HEATR6: variants seen among roughly 807,000 people sequenced by gnomAD.
HEATR6 encodes the protein HEAT repeat containing 6.
In HEATR6, 106 loss-of-function variants were observed where a neutral mutation model predicts 132.8. That is an observed-to-expected ratio of 0.80 (90% CI 0.68 to 0.94). HEATR6 has a LOEUF of 0.94. Among genes scored for constraint, HEATR6 ranks in the 40% least tolerant of loss-of-function variants. The probability of loss-of-function intolerance (pLI) is 0.00; values close to 1 mark genes in which losing one functional copy is unlikely to be tolerated. For missense variants in HEATR6, 1,339 were observed against 1,425.1 expected (o/e 0.94, Z 0.97); for synonymous variants, 529 against 537.8 (o/e 0.98, Z 0.23).
intron 5 of HEATR6, among the ~76,000 whole-genome samples, chr17:60,071,279 C>T (rs1482958912): frequency 6.6e-6 from 1 of 152,128 alleles, no homozygotes; most frequent in Non-Finnish European, 1.5e-5. Context: ...ACTCAGTAAT[C>T]TCATTTCTAG....
Position 60,069,814 on chromosome 17 carries a change from A to G in HEATR6, c.836T>C (p.Ile279Thr), listed in dbSNP as rs1568639617. ...TGGGTATAACACCGTGGGCATCTCT[A>G]TGTTTAGTCCAGGGAGTCCGTGAAA... The part of the protein sequence containing the change: ...FMFHGLPGLN[I>T]EMPTVLYPTP... Residue 279 changes from isoleucine (I) to threonine (T), a missense_variant, in exon 7 of 20, where the codon ATA (isoleucine) becomes ACA (threonine). Transcript: ENST00000184956. 3 of 1,614,108 alleles carry G rather than the reference A, an allele frequency of 1.9e-6. No individual in the cohort carries two copies. The highest frequency in any genetic ancestry group is 1.7e-6 in the Non-Finnish European group (2 of 1,180,010).
chr17:60,069,641 T>G, intron 7 of HEATR6, 70 bp downstream of exon 7: 2 of 1,455,510 alleles, frequency 1.4e-6, no homozygotes. Flanking sequence ...GTGATGCAAA[T>G]CATAGAAAAC....
rs554979521 is a variant in HEATR6 at position 60,058,079 on chromosome 17, T to C, written c.1724-676A>G. Reference sequence around the variant, plus strand: ...TCAGTTTTGTTCTTCTCTATCAATATTGTGTTGGCTATTCCAGGTCTTTTG... The same window carrying C: ...TCAGTTTTGTTCTTCTCTATCAATACTGTGTTGGCTATTCCAGGTCTTTTG... On this transcript the variant is annotated intron_variant, in intron 11 of 19. Transcript: ENST00000184956. Among the ~76,000 whole-genome samples, 6 of 152,358 alleles carry C rather than the reference T, an allele frequency of 3.9e-5. No homozygotes were observed. In the East Asian group the frequency reaches 1.2e-3, roughly 29 times the overall value.
At chr17:60,071,223 G>A (rs1242346227) in intron 5 of HEATR6, among the ~76,000 whole-genome samples, 1 of 152,130 alleles carries the variant, frequency 6.6e-6, no homozygotes, top group Non-Finnish European at 1.5e-5. Flanking sequence ...ATAAATTATA[G>A]AAACTTGGTT....
At position 60,076,153 on chromosome 17, in the gene HEATR6, G is replaced by C; in HGVS notation, c.304C>G (p.His102Asp). ...HLVSKVSQLI[H>D]HLLNRLQVIV... is the part of the protein sequence containing the mutation. Reference sequence around the variant, plus strand: ...ACCTGTAATCTGTTAAGTAAATGGTGGATAAGCTGGCTCACTTTGCTGACA... The same window carrying C: ...ACCTGTAATCTGTTAAGTAAATGGTCGATAAGCTGGCTCACTTTGCTGACA... Residue 102 changes from histidine to aspartate, a missense_variant, in exon 2 of 20, where the codon CAC (histidine) becomes GAC (aspartate). By Grantham distance (81) the His-to-Asp change is moderately conservative (BLOSUM62 -1). Coordinates refer to ENST00000184956, the MANE Select transcript of HEATR6 (RefSeq NM_022070.5). 1 of 1,607,184 alleles carries C rather than the reference G, an allele frequency of 6.2e-7. No homozygotes were observed. The highest frequency in any genetic ancestry group is 8.5e-7 in the Non-Finnish European group (1 of 1,174,746).
At chr17:60,073,908 T>C in intron 2 of HEATR6, 22 bp from the exon 3 acceptor site, 1 of 1,605,650 alleles carries the variant, frequency 6.2e-7, no homozygotes, top group South Asian at 1.1e-5. Flanking sequence ...GGAAAAGATA[T>C]ATTCTGATCT....
chr17:60,050,844 G>A lies in HEATR6; in HGVS notation c.2423C>T (p.Pro808Leu), dbSNP rs1353632112. The A allele has an allele frequency of 6.8e-6, 11 of 1,614,004 alleles. No individual in the cohort carries two copies. The highest frequency in any genetic ancestry group is 4.4e-5 in the South Asian group (4 of 91,066). The change falls in exon 15 of 20, where the codon CCG becomes CTG. Residue 808 changes from proline to leucine, a missense_variant and splice_region_variant. Pro to Leu is a moderately conservative substitution (Grantham distance 98, BLOSUM62 -3). Coordinates refer to ENST00000184956, the MANE Select transcript of HEATR6 (RefSeq NM_022070.5). ...GGTGAGAAAACACCCTCACATTACC[G>A]GCAGATTGCTGAAGGCCTCTGGCAA... Reference protein sequence around the residue: ...SILPEAFSNLPNDRQMLCITV... With the variant: ...SILPEAFSNLLNDRQMLCITV...
Position 60,070,689 on chromosome 17 carries a change from A to G in HEATR6, c.801+17T>C, listed in dbSNP as rs112358010. The G allele has an allele frequency of 7.1e-7, 1 of 1,409,286 alleles. No homozygotes were observed. Among genetic ancestry groups the G allele is most frequent in the Non-Finnish European group, 1.0e-6 (1 of 993,262 alleles). 87.3% of individuals were successfully genotyped at this position (1,409,286 alleles called of 1,614,324 possible). ...TTGAAACAGGAAAGACAATGATCAT[A>G]TGAAGACTTGCCTTACCTTTAGCAC... On this transcript the variant is annotated intron_variant, in intron 6 of 19. Transcript: ENST00000184956.
intron 16 of HEATR6, among the ~76,000 whole-genome samples, chr17:60,048,970 AACATATATATATAATATATATATATATAT>A (rs1330433359): frequency 1.1e-5 from 1 of 91,282 alleles, no homozygotes; most frequent in African/African-American, 8.5e-5. Flanking sequence ...AAAAATAAAT[AACATATATATATAATATATATATATATAT>A]ATATATATAT....
chr17:60,067,046 G>A (rs1300727580), intron 8 of HEATR6, among the ~76,000 whole-genome samples: 8 of 151,952 alleles, frequency 5.3e-5, no homozygotes, highest in Admixed American at 1.3e-4. Context: ...CGAGGCGGGC[G>A]GATCACGAGG....
At position 60,047,317 on chromosome 17, in the gene HEATR6, T is replaced by C. The variant is rs1175611407; in HGVS notation, c.2761A>G (p.Lys921Glu). 6 of 1,607,258 alleles carry C rather than the reference T, an allele frequency of 3.7e-6. No individual in the cohort carries two copies. Among genetic ancestry groups the C allele is most frequent in the Non-Finnish European group, 5.1e-6 (6 of 1,175,056 alleles). ...LRSAIEASKD[K>E]DKVKSNAVRA... is the part of the protein sequence containing the mutation. ...TTTTGTTGTGAGTCTACCTTGTCTT[T>C]ATCCTTGGATGCTTCTATAGCTGAT... is the stretch of plus-strand genomic sequence containing the variant. Residue 921 changes from lysine to glutamate, a missense_variant, in exon 18 of 20, where the codon AAA becomes GAA. By Grantham distance (56) the Lys-to-Glu change is moderately conservative. Coordinates refer to ENST00000184956, the MANE Select transcript of HEATR6 (RefSeq NM_022070.5).
At chr17:60,055,972 T>G (rs1326057447) in intron 13 of HEATR6, 143 bp downstream of exon 13, 1 of 1,012,822 alleles carries the variant, frequency 9.9e-7, no homozygotes, top group African/African-American at 1.6e-5. Flanking sequence ...CCTCCTTACC[T>G]GAAATCTCTT....
chr17:60,050,804 C>T, intron 15 of HEATR6, 39 bp downstream of exon 15: 3 of 1,610,320 alleles, frequency 1.9e-6, no homozygotes, highest in Admixed American at 1.7e-5. Flanking sequence ...TCTGGTGCTC[C>T]AGCCATGATT....
At chr17:60,059,850 ACAGAGAAGCCTG>A (rs757841978) in intron 10 of HEATR6, 28 bp downstream of exon 10, 16 of 1,472,174 alleles carry the variant, frequency 1.1e-5, no homozygotes, top group Non-Finnish European at 1.4e-5. Flanking sequence ...CAAAATTAAA[ACAGAGAAGCCTG>A]CTCTGGAACC....
At chr17:60,073,952 G>A (rs2083283869) in intron 2 of HEATR6, 66 bp from the exon 3 acceptor site, 4 of 1,555,428 alleles carry the variant, frequency 2.6e-6, no homozygotes, top group Admixed American at 3.8e-5. Context: ...TTATGGACAT[G>A]TATGCTCACC....
rs1906320729 is a variant in HEATR6, at chr17:60,045,132, A to ACTTCTTGGC, written c.2974+884_2974+892dup. 2.0e-5 allele frequency among the ~76,000 whole-genome samples: 3 copies of ACTTCTTGGC among 152,250 alleles called. No homozygotes were observed. The South Asian group carries it at 6.2e-4, about 32-fold the overall frequency. ...CCACTGAGGTGCCCTGGTTTCAAGG[A>ACTTCTTGGC]CTTCTTGGCTCTCCAGAAGGCGGAT... is the stretch of plus-strand genomic sequence containing the variant. On this transcript the variant is annotated intron_variant, in intron 19 of 19. Coordinates refer to ENST00000184956, the MANE Select transcript of HEATR6 (RefSeq NM_022070.5).
At position 60,044,121 on chromosome 17, in the gene HEATR6, C is replaced by A; in HGVS notation, c.2988G>T (p.Trp996Cys). 1 of 1,608,742 alleles carries A rather than the reference C, an allele frequency of 6.2e-7. No individual in the cohort carries two copies. Among genetic ancestry groups the A allele is most frequent in the South Asian group, 1.1e-5 (1 of 90,016 alleles). Residue 996 changes from tryptophan to cysteine, a missense_variant, in exon 20 of 20, where the codon TGG becomes TGT. Coordinates refer to ENST00000184956, the MANE Select transcript of HEATR6 (RefSeq NM_022070.5). ...TCAGGGCATTGTAGGCCTGGGAGGTCCATGGGGCTGTCCCTAGAAAGAATC... is the reference window on the plus strand; with the variant it reads ...TCAGGGCATTGTAGGCCTGGGAGGTACATGGGGCTGTCCCTAGAAAGAATC... ...NPALPLGTAPWTSQAYNALTS... is the reference protein window; with the variant it reads ...NPALPLGTAPCTSQAYNALTS...
rs750569811 is a variant in HEATR6, at chr17:60,049,605, T to C, written c.2522A>G (p.Tyr841Cys). Residue 841 changes from tyrosine to cysteine, a missense_variant, in exon 16 of 20, where the codon TAT becomes TGT. Transcript: ENST00000184956. ...CTGTCTGAGACAGGGAAAAAGCACA[T>C]AGACTCCCAGGGCCCGTGAAGTTGC... ...KAATSRALGV[Y>C]VLFPCLRQDV... 6 of 1,613,724 alleles carry C rather than the reference T, an allele frequency of 3.7e-6. No homozygotes were observed. Among genetic ancestry groups the C allele is most frequent in the Non-Finnish European group, 4.2e-6 (5 of 1,179,818 alleles).
At chr17:60,073,669 A>G (rs2083281473) in intron 3 of HEATR6, 77 bp downstream of exon 3, 3 of 1,399,468 alleles carry the variant, frequency 2.1e-6, no homozygotes, top group Non-Finnish European at 3.0e-6. Flanking sequence ...GTGGCAAGAT[A>G]GAAACCTGAA....
Sources: allele counts gnomAD v4.1 joint callset (sites outside exome capture counted in the v4.1 genomes callset), GRCh38; gene constraint gnomAD v4.1.1; transcripts MANE v1.5; gene names NCBI Gene and HGNC (gene_info 2026-07-23, HGNC 2026-07-21).